Variants in EIF3F observed in about 807,000 individuals in gnomAD.
The protein encoded by EIF3F is eukaryotic translation initiation factor 3 subunit F.
In EIF3F, 8 loss-of-function variants were observed where a neutral mutation model predicts 36.0. That is an observed-to-expected ratio of 0.22 (90% CI 0.13 to 0.40). The LOEUF (loss-of-function observed/expected upper bound fraction) is 0.40. Among genes scored for constraint, EIF3F ranks in the 10% least tolerant of loss-of-function variants. EIF3F has a pLI of 1.00. For missense variants in EIF3F, 430 were observed against 467.6 expected (o/e 0.92, Z 0.74); for synonymous variants, 184 against 188.5 (o/e 0.98, Z 0.19).
chr11:7,998,509 CAAG>C lies in EIF3F; in HGVS notation c.*2491_*2493del, dbSNP rs1158984392. On this transcript the variant is annotated 3_prime_UTR_variant, in exon 8 of 8. Coordinates refer to ENST00000651655, the MANE Select transcript of EIF3F (RefSeq NM_003754.3). ...GGATACTTGTTTATAAGAACTGAAACAAGAAGGCCTTGTTCCACCTCAGCTGGG... is the reference window on the plus strand; with the variant it reads ...GGATACTTGTTTATAAGAACTGAAACAAGGCCTTGTTCCACCTCAGCTGGG... 4 of 152,146 alleles carry C rather than the reference CAAG, an allele frequency of 2.6e-5. No individual in the cohort carries two copies. The East Asian group carries it at 7.7e-4, about 29-fold the overall frequency. The allele number at this position is 152,146 out of a possible 1,614,324, so 9.4% of individuals were successfully genotyped here.
At chr11:7,988,765 G>A (rs1050192573) in intron 1 of EIF3F, among the ~76,000 whole-genome samples, 1 of 152,184 alleles carries the variant, frequency 6.6e-6, no homozygotes. Context: ...GTGACTTGGG[G>A]CAGATTACCT....
At chr11:7,993,921 A>G (rs946574622) in intron 4 of EIF3F, among the ~76,000 whole-genome samples, 1 of 152,180 alleles carries the variant, frequency 6.6e-6, no homozygotes, top group Admixed American at 6.5e-5. Context: ...AGAAAGATAT[A>G]TATAGTTGAC....
intron 1 of EIF3F, among the ~76,000 whole-genome samples, chr11:7,989,451 C>T (rs763117229): frequency 2.0e-5 from 3 of 152,176 alleles, no homozygotes; most frequent in African/African-American, 4.8e-5. Context: ...GCAATACTTA[C>T]AGAAGAATAA....
At chr11:7,988,930 C>T (rs1005472984) in intron 1 of EIF3F, among the ~76,000 whole-genome samples, 1 of 152,228 alleles carries the variant, frequency 6.6e-6, no homozygotes, top group Non-Finnish European at 1.5e-5. Flanking sequence ...CATTTTCTCT[C>T]CTTTATCTAT....
chr11:7,990,896 T>TAAAA (rs1220652215), intron 1 of EIF3F, among the ~76,000 whole-genome samples: 20 of 130,466 alleles, frequency 1.5e-4, no homozygotes, highest in East Asian at 1.0e-3. Flanking sequence ...AATAAATAAA[T>TAAAA]AAATAAAAGA....
At position 7,996,196 on chromosome 11, in the gene EIF3F, C is replaced by T. The variant is rs963072657; in HGVS notation, c.*174C>T. On this transcript the variant is annotated 3_prime_UTR_variant, in exon 8 of 8. Transcript: ENST00000651655. ...ATTTCATCTTATGTGAGTTTATTGCCGGGTGGAAGGGAGGAAAATGTTTTA... is the reference window on the plus strand; with the variant it reads ...ATTTCATCTTATGTGAGTTTATTGCTGGGTGGAAGGGAGGAAAATGTTTTA... The T allele has an allele frequency of 4.5e-5, 26 of 574,488 alleles. No individual in the cohort carries two copies. The highest frequency in any genetic ancestry group is 6.7e-5 in the Non-Finnish European group (22 of 326,678). The allele number at this position is 574,488 out of a possible 1,614,324, so 35.6% of individuals were successfully genotyped here.
Position 7,993,707 on chromosome 11 carries a change from C to A in EIF3F, c.653+683C>A, listed in dbSNP as rs980256682. 5.3e-5 allele frequency among the ~76,000 whole-genome samples: 8 copies of A among 152,250 alleles called. No individual in the cohort carries two copies. In the South Asian group the frequency reaches 1.7e-3, roughly 32 times the overall value. On this transcript the variant is annotated intron_variant, in intron 4 of 7. Transcript: ENST00000651655. Reference sequence around the variant, plus strand: ...CACTGACATAGCCAGTTAACTCTTACACAGTACACAGTAAGACAAAGATGG... The same window carrying A: ...CACTGACATAGCCAGTTAACTCTTAAACAGTACACAGTAAGACAAAGATGG...
At chr11:7,993,673 T>A (rs1264940685) in intron 4 of EIF3F, among the ~76,000 whole-genome samples, 3 of 152,198 alleles carry the variant, frequency 2.0e-5, no homozygotes, top group Non-Finnish European at 2.9e-5. Context: ...GTGCTGGTTC[T>A]GTGTCTGACA....
At position 7,999,937 on chromosome 11, in the gene EIF3F, C is replaced by G. The variant is rs1942202023; in HGVS notation, c.*3915C>G. The G allele has an allele frequency of 6.6e-6, 1 of 152,244 alleles. No homozygotes were observed. Among genetic ancestry groups the G allele is most frequent in the Admixed American group, 6.5e-5 (1 of 15,286 alleles). The allele number at this position is 152,244 out of a possible 1,614,324, so 9.4% of individuals were successfully genotyped here. On this transcript the variant is annotated 3_prime_UTR_variant, in exon 8 of 8. Coordinates refer to ENST00000651655, the MANE Select transcript of EIF3F (RefSeq NM_003754.3). ...AGATAGATAGGGCTGAGCGCGGTGG[C>G]CCACGCCTGTAATCCCAGCACTTTG...
In EIF3F at chr11:7,995,383, G is replaced by C; in HGVS notation, c.996+16G>C. 6.3e-7 allele frequency: 1 copy of C among 1,597,754 alleles called. No individual in the cohort carries two copies. The highest frequency in any genetic ancestry group is 8.6e-7 in the Non-Finnish European group (1 of 1,165,074). On this transcript the variant is annotated intron_variant, in intron 7 of 7. Transcript: ENST00000651655. ...CAACATCAATGTGAGTGCCCTTCCT[G>C]AGCCCCTTCTTGCCTGGTTTCTTCC...
In EIF3F at chr11:7,994,513, C is replaced by G. The variant is rs570574577; in HGVS notation, c.741C>G (p.Ile247Met). The G allele has an allele frequency of 1.2e-6, 2 of 1,613,004 alleles. No individual in the cohort carries two copies. The highest frequency in any genetic ancestry group is 1.7e-6 in the Non-Finnish European group (2 of 1,179,502). ...VKYAYYDTER[I>M]GVDLIMKTCF... is the part of the protein sequence containing the mutation. ...ACGCGTACTACGACACTGAACGCAT[C>G]GGAGGTGAGTAACCTTTCCATACAC... The change falls in exon 5 of 8, where the codon ATC becomes ATG. Residue 247 changes from isoleucine to methionine, a missense_variant. Ile to Met is a conservative substitution (Grantham distance 10, BLOSUM62 1). Transcript: ENST00000651655.
intron 4 of EIF3F, among the ~76,000 whole-genome samples, chr11:7,994,128 C>T (rs910399105): frequency 3.9e-5 from 6 of 152,206 alleles, no homozygotes; most frequent in South Asian, 2.1e-4. Context: ...GCCAGCTCTA[C>T]GGGGTAATTG....
Position 8,001,080 on chromosome 11 carries a change from A to G in EIF3F, c.*5058A>G, listed in dbSNP as rs767821680. The G allele has an allele frequency of 2.0e-5, 3 of 152,216 alleles. No homozygotes were observed. Among genetic ancestry groups the G allele is most frequent in the East Asian group, 1.9e-4 (1 of 5,204 alleles). The allele number at this position is 152,216 out of a possible 1,614,324, so 9.4% of individuals were successfully genotyped here. Reference sequence around the variant, plus strand: ...TTCCTACAGTTTTTTAAGGCCAGTAATTTGATACATTAGTGTGTAAAGGAT... The same window carrying G: ...TTCCTACAGTTTTTTAAGGCCAGTAGTTTGATACATTAGTGTGTAAAGGAT... On this transcript the variant is annotated 3_prime_UTR_variant, in exon 8 of 8. Transcript: ENST00000651655.
intron 1 of EIF3F, among the ~76,000 whole-genome samples, chr11:7,991,360 T>C (rs1942092561): frequency 6.6e-6 from 1 of 152,090 alleles, no homozygotes; most frequent in African/African-American, 2.4e-5. Context: ...CAGATGAAGC[T>C]CCTGACGTCT....
chr11:7,998,721 A>G lies in EIF3F; in HGVS notation c.*2699A>G, dbSNP rs1418527733. The G allele has an allele frequency of 2.0e-5, 3 of 152,200 alleles. No homozygotes were observed. The highest frequency in any genetic ancestry group is 4.4e-5 in the Non-Finnish European group (3 of 68,048). The allele number at this position is 152,200 out of a possible 1,614,324, so 9.4% of individuals were successfully genotyped here. On this transcript the variant is annotated 3_prime_UTR_variant, in exon 8 of 8. Coordinates refer to ENST00000651655, the MANE Select transcript of EIF3F (RefSeq NM_003754.3). ...TGTGTGTATATTATATATATGATAAAAAACAAAAGAATGATAAAAATTCCC... is the reference window on the plus strand; with the variant it reads ...TGTGTGTATATTATATATATGATAAGAAACAAAAGAATGATAAAAATTCCC...
At position 7,999,160 on chromosome 11, in the gene EIF3F, C is replaced by G. The variant is rs1350013756; in HGVS notation, c.*3138C>G. The G allele has an allele frequency of 1.3e-5, 2 of 152,196 alleles. No individual in the cohort carries two copies. Among genetic ancestry groups the G allele is most frequent in the Admixed American group, 6.5e-5 (1 of 15,280 alleles). The allele number at this position is 152,196 out of a possible 1,614,324, so 9.4% of individuals were successfully genotyped here. ...TGGCACGCACCTGTAGTCCCAGCTA[C>G]TTGGGAAGCTGAGGCAGGAGAATCT... On this transcript the variant is annotated 3_prime_UTR_variant, in exon 8 of 8. Transcript: ENST00000651655.
At chr11:7,987,815 G>C (rs2133665391) in intron 1 of EIF3F, 99 bp downstream of exon 1, 1 of 1,373,616 alleles carries the variant, frequency 7.3e-7, no homozygotes, top group African/African-American at 1.5e-5. Context: ...GTGTCCTACC[G>C]TCCTTTCCTC....
Position 7,991,309 on chromosome 11 carries a change from G to C in EIF3F, c.365-472G>C, listed in dbSNP as rs537494469. ...CAGATAGATTTCTGGATGATGATAA[G>C]GTTAAGACTGACCATGGGACCAGAT... On this transcript the variant is annotated intron_variant, in intron 1 of 7. Transcript: ENST00000651655. Among the ~76,000 whole-genome samples the C allele has an allele frequency of 7.9e-5, 12 of 152,296 alleles. No homozygotes were observed. The East Asian group carries it at 2.1e-3, about 27-fold the overall frequency.
intron 5 of EIF3F, 102 bp from the exon 6 acceptor site, chr11:7,994,880 G>A: frequency 6.6e-7 from 1 of 1,516,066 alleles, no homozygotes; most frequent in Non-Finnish European, 9.0e-7. Flanking sequence ...GGGAAACAGA[G>A]TTAGTAGGAC....
Sources: gnomAD v4.1 joint callset for allele counts (sites outside exome capture counted in the v4.1 genomes callset) on GRCh38, gnomAD v4.1.1 for gene constraint, MANE v1.5 for transcripts, NCBI Gene and HGNC (gene_info 2026-07-23, HGNC 2026-07-21) for gene names.